Variants in USH2A observed in about 807,000 individuals in gnomAD.
The protein encoded by USH2A is Usher syndrome 2A (autosomal recessive, mild).
In USH2A, 443 loss-of-function variants were observed where a neutral mutation model predicts 538.9. The ratio of observed to expected loss-of-function variants is 0.82; its 90% confidence interval spans 0.76 to 0.89. The LOEUF (loss-of-function observed/expected upper bound fraction) is 0.89, where lower values mean the gene tolerates loss of function less well. Ranked by LOEUF, USH2A falls within the 40% of genes least tolerant of loss-of-function variation. USH2A has a pLI of 0.00. For missense variants in USH2A, 6,633 were observed against 6,324.8 expected, an observed-to-expected ratio of 1.05 and a Z score of -1.65; for synonymous variants, 2,413 against 2,273.5, an observed-to-expected ratio of 1.06 and a Z score of -1.75.
intron 35 of USH2A, among the ~76,000 whole-genome samples, chr1:215,972,236 A>G (rs1054882411): frequency 3.9e-5 from 6 of 152,174 alleles, no homozygotes; most frequent in Admixed American, 2.0e-4. Flanking sequence ...TAGCTCCAAG[A>G]GCTGAGGGCT....
intron 11 of USH2A, among the ~76,000 whole-genome samples, chr1:216,251,518 T>G (rs2036162849): frequency 7.4e-6 from 1 of 135,684 alleles, no homozygotes; most frequent in African/African-American, 2.7e-5. Context: ...TGGCTCAATC[T>G]CGGCTCACTG....
rs372927796 is a variant in USH2A at position 216,251,099 on chromosome 1, C to T, written c.1972-1G>A. The T allele has an allele frequency of 8.1e-6, 13 of 1,613,718 alleles. No homozygotes were observed. The highest frequency in any genetic ancestry group is 4.0e-5 in the African/African-American group (3 of 74,886). ...TCTTACAATTACACTGTCCTCCAAT[C>T]TAGAGAAGATACAACATTTTGTAGA... On this transcript the variant is annotated splice_acceptor_variant, in intron 11 of 71. Coordinates refer to ENST00000307340, the MANE Select transcript of USH2A (RefSeq NM_206933.4). LOFTEE classifies it high-confidence loss of function.
intron 5 of USH2A, 134 bp from the exon 6 acceptor site, chr1:216,325,733 G>T: frequency 1.2e-6 from 1 of 841,228 alleles, no homozygotes; most frequent in Non-Finnish European, 1.7e-6. Context: ...TTTGATGCAT[G>T]AAACATAAAA....
In USH2A at chr1:215,888,364, A is replaced by T; in HGVS notation, c.8223+62T>A. 1.9e-6 allele frequency: 3 copies of T among 1,606,356 alleles called. No homozygotes were observed. In the South Asian group the frequency reaches 3.3e-5, roughly 18 times the overall value. On this transcript the variant is annotated intron_variant, in intron 41 of 71. Transcript: ENST00000307340. The stretch of plus-strand genomic sequence containing the variant: ...TAGTCAGTAGATGGCTCTGTTCAAC[A>T]CAGAGTCAATCCAGGGTACATTCCT...
chr1:215,870,458 C>CTTTTTT (rs10689595), intron 43 of USH2A, among the ~76,000 whole-genome samples: 23 of 123,108 alleles, frequency 1.9e-4, no homozygotes, highest in African/African-American at 6.6e-4. Flanking sequence ...CCACTCCTAG[C>CTTTTTT]TTTTTTTTTT....
intron 4 of USH2A, among the ~76,000 whole-genome samples, chr1:216,360,290 T>C (rs2038467747): frequency 6.6e-6 from 1 of 152,082 alleles, no homozygotes; most frequent in Admixed American, 6.6e-5. Flanking sequence ...TATTACTCAG[T>C]GAAACAAGCC....
intron 21 of USH2A, among the ~76,000 whole-genome samples, chr1:216,127,911 A>AGT (rs2033287984): frequency 6.6e-6 from 1 of 152,176 alleles, no homozygotes; most frequent in South Asian, 2.1e-4. Context: ...CTGTATTCTA[A>AGT]GTAAAAGATG....
chr1:216,136,261 G>A (rs2033485314), intron 21 of USH2A, among the ~76,000 whole-genome samples: 2 of 152,038 alleles, frequency 1.3e-5, no homozygotes, highest in Non-Finnish European at 2.9e-5. Flanking sequence ...ATAAATATAA[G>A]AAAACTCATG....
intron 55 of USH2A, among the ~76,000 whole-genome samples, chr1:215,770,876 G>A (rs917270241): frequency 4.6e-5 from 7 of 150,554 alleles, no homozygotes; most frequent in African/African-American, 7.4e-5. Flanking sequence ...AGGACGAGGC[G>A]GGTGGATCAC....
At chr1:215,778,841 C>CA (rs1279217081) in intron 55 of USH2A, among the ~76,000 whole-genome samples, 1 of 152,192 alleles carries the variant, frequency 6.6e-6, no homozygotes, top group East Asian at 1.9e-4. Flanking sequence ...CTTAACTTCT[C>CA]AAAGTATTCT....
intron 67 of USH2A, among the ~76,000 whole-genome samples, chr1:215,645,731 T>C (rs1444043306): frequency 6.6e-6 from 1 of 152,178 alleles, no homozygotes; most frequent in Non-Finnish European, 1.5e-5. Flanking sequence ...TAGAGTATTT[T>C]AGGTAAGATT....
At chr1:216,025,630 A>G (rs1291449164) in intron 32 of USH2A, among the ~76,000 whole-genome samples, 2 of 152,076 alleles carry the variant, frequency 1.3e-5, no homozygotes, top group African/African-American at 4.8e-5. Context: ...TAGATGCTGT[A>G]TTTGAGAAAT....
At chr1:215,661,388 T>A (rs979825694) in intron 64 of USH2A, among the ~76,000 whole-genome samples, 5 of 152,190 alleles carry the variant, frequency 3.3e-5, no homozygotes, top group Non-Finnish European at 5.9e-5. Flanking sequence ...AAGGCTGAAT[T>A]TCCTCTCAAT....
At chr1:216,118,177 T>A (rs2033053203) in intron 21 of USH2A, among the ~76,000 whole-genome samples, 1 of 152,138 alleles carries the variant, frequency 6.6e-6, no homozygotes, top group African/African-American at 2.4e-5. Flanking sequence ...GAGGATTAAA[T>A]GAGTTAAATA....
At chr1:216,115,111 ATTTTT>A (rs2032973065) in intron 21 of USH2A, among the ~76,000 whole-genome samples, 1 of 106,164 alleles carries the variant, frequency 9.4e-6, no homozygotes, top group Non-Finnish European at 1.9e-5. Flanking sequence ...ATATTTATTT[ATTTTT>A]GTTTTGTTTT....
rs1193802848 is a variant in USH2A, at chr1:216,377,867, GAAGGAAA to G, written c.652-12789_652-12783del. Among the ~76,000 whole-genome samples the G allele has an allele frequency of 1.8e-3, 242 of 137,890 alleles. 3 individuals carry two copies. Among genetic ancestry groups the G allele is most frequent in the Admixed American group, 7.6e-3 (102 of 13,418 alleles). The allele number at this position is 137,890 out of a possible 152,430, so 90.5% of individuals were successfully genotyped here. A position where few individuals can be genotyped will look rare whatever the true frequency, so the allele number is the denominator to read the frequency against. On this transcript the variant is annotated intron_variant, in intron 3 of 71. Transcript: ENST00000307340. The stretch of plus-strand genomic sequence containing the variant: ...AGAAAGAAAGAAAGAAAGAAAGAAA[GAAGGAAA>G]GAAAGAAAGGAAGGAAGGAAGAAAG...
At chr1:216,052,795 T>A (rs2030838309) in intron 30 of USH2A, among the ~76,000 whole-genome samples, 1 of 152,194 alleles carries the variant, frequency 6.6e-6, no homozygotes, top group South Asian at 2.1e-4. Flanking sequence ...GTAAGTAGTG[T>A]TCACCAGGAT....
At chr1:215,828,014 T>C (rs1045590745) in intron 47 of USH2A, among the ~76,000 whole-genome samples, 1 of 152,200 alleles carries the variant, frequency 6.6e-6, no homozygotes, top group Non-Finnish European at 1.5e-5. Context: ...TAGAAGAGAT[T>C]CCCTGATATC....
chr1:215,682,926 A>G (rs1658285901), intron 61 of USH2A, among the ~76,000 whole-genome samples: 1 of 151,864 alleles, frequency 6.6e-6, no homozygotes, highest in East Asian at 1.9e-4. Flanking sequence ...TGGCATGATC[A>G]TGGCTCGGTG....
Sources: allele counts gnomAD v4.1 joint callset (sites outside exome capture counted in the v4.1 genomes callset), GRCh38; gene constraint gnomAD v4.1.1; transcripts MANE v1.5; gene names NCBI Gene and HGNC (gene_info 2026-07-23, HGNC 2026-07-21).